Variants in FNDC1 observed in about 807,000 individuals in gnomAD.
The protein encoded by FNDC1 is fibronectin type III domain containing 1.
In FNDC1, 96 loss-of-function variants were observed where a neutral mutation model predicts 168.0. The observed-to-expected ratio is 0.57, with a 90% CI of 0.48 to 0.68. FNDC1 has a LOEUF of 0.68. Among genes scored for constraint, FNDC1 ranks in the 30% least tolerant of loss-of-function variants. The probability of loss-of-function intolerance (pLI) is 0.00; values close to 1 mark genes in which losing one functional copy is unlikely to be tolerated. For synonymous variants in FNDC1, 1,099 were observed against 1,025.9 expected (o/e 1.07, Z -1.36); for missense variants, 2,587 against 2,482.1 (o/e 1.04, Z -0.90).
intron 4 of FNDC1, among the ~76,000 whole-genome samples, chr6:159,211,318 T>C (rs888358574): frequency 6.6e-6 from 1 of 152,136 alleles, no homozygotes; most frequent in African/African-American, 2.4e-5. Context: ...CACATTCTGC[T>C]GGGAAGTGAG....
chr6:159,241,404 T>C (rs936863007), intron 14 of FNDC1, among the ~76,000 whole-genome samples: 2 of 152,230 alleles, frequency 1.3e-5, no homozygotes, highest in African/African-American at 2.4e-5. Flanking sequence ...TTTGGACTTT[T>C]ATTTGGCATG....
intron 1 of FNDC1, among the ~76,000 whole-genome samples, chr6:159,195,312 A>G (rs1414534013): frequency 6.6e-6 from 1 of 150,414 alleles, no homozygotes; most frequent in African/African-American, 2.4e-5. Flanking sequence ...TCCTTCCAGA[A>G]GAGAGAGGTC....
At chr6:159,198,712 A>AAAACAAAT (rs1782306428) in intron 2 of FNDC1, among the ~76,000 whole-genome samples, 1 of 152,240 alleles carries the variant, frequency 6.6e-6, no homozygotes, top group Non-Finnish European at 1.5e-5. Flanking sequence ...GAGCTCACTA[A>AAAACAAAT]AAAACAAATA....
intron 1 of FNDC1, among the ~76,000 whole-genome samples, chr6:159,186,310 C>G (rs973314989): frequency 2.0e-4 from 31 of 152,146 alleles, no homozygotes; most frequent in African/African-American, 7.5e-4. Context: ...CCAATTTCCC[C>G]TGAAATGCAA....
Position 159,233,518 on chromosome 6 carries a change from A to G in FNDC1, c.3006A>G (p.Pro1002=). 6.2e-7 allele frequency: 1 copy of G among 1,601,488 alleles called. No individual in the cohort carries two copies. Among genetic ancestry groups the G allele is most frequent in the Non-Finnish European group, 8.5e-7 (1 of 1,177,110 alleles). ...GAAGGATGACACCCGGCCGGGCCCC[A>G]CAACAGCAGCCCCCTCCTCCCGTCG... ...VPRRMTPGRA[P]QQQPPPPVAT... is the part of the protein sequence containing the mutation. The change falls in exon 11 of 23, where the codon CCA becomes CCG. Residue 1002 remains proline (P), a synonymous_variant. Transcript: ENST00000297267. The surrounding 1 kb of genome is among the most constrained non-coding windows in gnomAD (Gnocchi z 4.6).
intron 10 of FNDC1, among the ~76,000 whole-genome samples, chr6:159,230,793 T>C (rs1161593998): frequency 1.3e-5 from 2 of 152,156 alleles, no homozygotes; most frequent in Non-Finnish European, 2.9e-5. Context: ...TATTAGACAA[T>C]TTTGTCATGG....
Position 159,234,300 on chromosome 6 carries a change from C to G in FNDC1, c.3788C>G (p.Pro1263Arg). 6.2e-7 allele frequency: 1 copy of G among 1,606,176 alleles called. No homozygotes were observed. Among genetic ancestry groups the G allele is most frequent in the Non-Finnish European group, 8.5e-7 (1 of 1,176,470 alleles). Reference sequence around the variant, plus strand: ...TCCCACGTCCCTTCCCGACTGCCGCCTCGCAGCGCTGCCACCGTGAGCCCC... The same window carrying G: ...TCCCACGTCCCTTCCCGACTGCCGCGTCGCAGCGCTGCCACCGTGAGCCCC... ...RASHVPSRLPPRSAATVSPVA... is the reference protein window; with the variant it reads ...RASHVPSRLPRRSAATVSPVA... Residue 1263 changes from proline to arginine, a missense_variant, in exon 11 of 23, where the codon CCT becomes CGT. By Grantham distance (103) the Pro-to-Arg change is moderately radical. Transcript: ENST00000297267.
Position 159,266,336 on chromosome 6 carries a change from T to C in FNDC1, c.5446+91T>C, listed in dbSNP as rs1777592814. On this transcript the variant is annotated intron_variant, in intron 21 of 22. Coordinates refer to ENST00000297267, the MANE Select transcript of FNDC1 (RefSeq NM_032532.3). ...GGCACCACAGGTGCATCGGAATGTTTATGAGGGCTGGAGCTACGACTATGG... is the reference window on the plus strand; with the variant it reads ...GGCACCACAGGTGCATCGGAATGTTCATGAGGGCTGGAGCTACGACTATGG... The C allele has an allele frequency of 8.2e-6, 11 of 1,348,330 alleles. No homozygotes were observed. The South Asian group carries it at 1.4e-4, about 17-fold the overall frequency. The allele number at this position is 1,348,330 out of a possible 1,614,324, so 83.5% of individuals were successfully genotyped here.
At chr6:159,197,048 A>G (rs1288541363) in intron 1 of FNDC1, among the ~76,000 whole-genome samples, 2 of 152,238 alleles carry the variant, frequency 1.3e-5, no homozygotes, top group Non-Finnish European at 2.9e-5. Context: ...AGATTGTCCA[A>G]CTGTACCACA....
intron 10 of FNDC1, 51 bp from the exon 11 acceptor site, chr6:159,231,831 T>C (rs1783088337): frequency 6.7e-7 from 1 of 1,497,300 alleles, no homozygotes; most frequent in Non-Finnish European, 9.0e-7. Context: ...CACCTCCGCT[T>C]TCGCTTTTGA....
At chr6:159,198,550 T>C (rs1782301595) in intron 2 of FNDC1, among the ~76,000 whole-genome samples, 1 of 152,162 alleles carries the variant, frequency 6.6e-6, no homozygotes, top group Admixed American at 6.5e-5. Context: ...TCCCTTAATC[T>C]CTTCCACGTC....
At chr6:159,246,754 C>T (rs924025385) in intron 14 of FNDC1, 147 bp from the exon 15 acceptor site, 1 of 606,726 alleles carries the variant, frequency 1.6e-6, no homozygotes. Flanking sequence ...GATTTTCCTC[C>T]TGAAAAAATT....
chr6:159,197,336 A>G, intron 1 of FNDC1, 95 bp from the exon 2 acceptor site: 1 of 1,171,858 alleles, frequency 8.5e-7, no homozygotes, highest in Non-Finnish European at 1.2e-6. Flanking sequence ...ATTAAACGTC[A>G]TTTACTGTTT....
rs1267772813 is a variant in FNDC1, at chr6:159,271,457, TG to T, written c.*16del. ...GAAAGTGGTAATCACAGGACCGTCA[TG>T]CTGCAAGCTTGCCCTGCCCAGCCCC... is the stretch of plus-strand genomic sequence containing the variant. On this transcript the variant is annotated 3_prime_UTR_variant, in exon 23 of 23. Transcript: ENST00000297267. The T allele has an allele frequency of 2.1e-5, 33 of 1,580,526 alleles. No individual in the cohort carries two copies. The Admixed American group carries it at 5.6e-4, about 27-fold the overall frequency.
chr6:159,260,073 TAATC>T (rs1289128692), intron 18 of FNDC1, among the ~76,000 whole-genome samples: 2 of 152,208 alleles, frequency 1.3e-5, no homozygotes, highest in African/African-American at 4.8e-5. Context: ...GTGCCTGACT[TAATC>T]AAATAAAGAA....
rs535151049 is a variant in FNDC1, at chr6:159,180,012, AT to A, written c.109+10309del. On this transcript the variant is annotated intron_variant, in intron 1 of 22. Transcript: ENST00000297267. ...AGTCCATTTTCAGTTGGAGAGAAGA[AT>A]TGTATTTACACAGTATGTGAGTGTC... is the stretch of plus-strand genomic sequence containing the variant. Among the ~76,000 whole-genome samples the A allele has an allele frequency of 2.5e-3, 374 of 152,252 alleles. 1 individual carries two copies. Among genetic ancestry groups the A allele is most frequent in the African/African-American group, 8.8e-3 (364 of 41,522 alleles).
chr6:159,219,169 T>C (rs1006246317), intron 5 of FNDC1, among the ~76,000 whole-genome samples: 2 of 152,022 alleles, frequency 1.3e-5, no homozygotes, highest in African/African-American at 4.8e-5. Context: ...CCCTCCCAAG[T>C]AGTTAGGACT....
chr6:159,246,952 A>G lies in FNDC1; in HGVS notation c.4673A>G (p.Tyr1558Cys), dbSNP rs766405133. 6.2e-7 allele frequency: 1 copy of G among 1,611,608 alleles called. No homozygotes were observed. The highest frequency in any genetic ancestry group is 1.1e-5 in the South Asian group (1 of 91,044). Residue 1558 changes from tyrosine to cysteine, a missense_variant, in exon 15 of 23, where the codon TAC becomes TGC. Transcript: ENST00000297267. The stretch of plus-strand genomic sequence containing the variant: ...ACTGCAGTACCTACGGAAGAGGCCT[A>G]CGTTATATATGATGAAGGTACAAAC... ...TDTAVPTEEAYVIYDEDYEFE... is the reference protein window; with the variant it reads ...TDTAVPTEEACVIYDEDYEFE...
Position 159,251,388 on chromosome 6 carries a change from G to A in FNDC1, c.4921G>A (p.Asp1641Asn). 6.2e-7 allele frequency: 1 copy of A among 1,613,930 alleles called. No homozygotes were observed. The highest frequency in any genetic ancestry group is 8.5e-7 in the Non-Finnish European group (1 of 1,179,872). The change falls in exon 17 of 23, where the codon GAT becomes AAT. Residue 1641 changes from aspartate (D) to asparagine (N), a missense_variant. Physicochemically the swap from Asp to Asn is conservative, Grantham distance 23. Coordinates refer to ENST00000297267, the MANE Select transcript of FNDC1 (RefSeq NM_032532.3). ...GGATCACTTCCAAGTGGACAGCCTGGATGAAATCATCCCCAATGACCTGAA... is the reference window on the plus strand; with the variant it reads ...GGATCACTTCCAAGTGGACAGCCTGAATGAAATCATCCCCAATGACCTGAA... ...ALDHFQVDSL[D>N]EIIPNDLKKS...
Sources: allele counts gnomAD v4.1 joint callset (sites outside exome capture counted in the v4.1 genomes callset), GRCh38; gene constraint gnomAD v4.1.1; non-coding constraint Gnocchi (gnomAD v3.1); transcripts MANE v1.5; gene names NCBI Gene and HGNC (gene_info 2026-07-23, HGNC 2026-07-21).